Variants in ATP8A1 observed in about 807,000 individuals in gnomAD.
ATP8A1 encodes the protein phospholipid-transporting ATPase IA.
Under a neutral mutation model 177.7 loss-of-function variants are expected in ATP8A1, and 90 were observed. The ratio of observed to expected loss-of-function variants is 0.51; its 90% CI spans 0.43 to 0.60. The LOEUF (loss-of-function observed/expected upper bound fraction) is 0.60, where lower values mean the gene tolerates loss of function less well. Ranked by LOEUF, ATP8A1 falls within the 20% of genes least tolerant of loss-of-function variation. ATP8A1 has a pLI of 0.00. For synonymous variants in ATP8A1, 493 were observed against 485.9 expected, an observed-to-expected ratio of 1.01 and a Z score of -0.19; for missense variants, 1,072 against 1,392.8, an observed-to-expected ratio of 0.77 and a Z score of 3.67.
At chr4:42,417,450 T>C (rs1284065298) in intron 35 of ATP8A1, among the ~76,000 whole-genome samples, 1 of 152,188 alleles carries the variant, frequency 6.6e-6, no homozygotes, top group Non-Finnish European at 1.5e-5. Context: ...CCAAGCTATG[T>C]AAATTTTGAG....
At chr4:42,461,470 C>T (rs553575243) in intron 27 of ATP8A1, among the ~76,000 whole-genome samples, 82 of 152,118 alleles carry the variant, frequency 5.4e-4, no homozygotes, top group African/African-American at 1.9e-3. Context: ...AAGGGGAGTT[C>T]CCCTGCACAA....
chr4:42,606,080 C>T (rs748045381), intron 5 of ATP8A1, among the ~76,000 whole-genome samples: 1 of 152,204 alleles, frequency 6.6e-6, no homozygotes, highest in Non-Finnish European at 1.5e-5. Flanking sequence ...GTTTTCCACT[C>T]AACATGCCAT....
At position 42,627,047 on chromosome 4, in the gene ATP8A1, T is replaced by A; in HGVS notation, c.112A>T (p.Thr38Ser). 2 of 1,614,142 alleles carry A rather than the reference T, an allele frequency of 1.2e-6. No individual in the cohort carries two copies. Among genetic ancestry groups the A allele is most frequent in the East Asian group, 4.5e-5 (2 of 44,882 alleles). ...AGCTGGGGCTGGTTGATGAAAATAGTCCTTACTTCCTCCTGGTCAGCCAGT... is the reference window on the plus strand; with the variant it reads ...AGCTGGGGCTGGTTGATGAAAATAGACCTTACTTCCTCCTGGTCAGCCAGT... ...TSLADQEEVRTIFINQPQLTK... is the reference protein window; with the variant it reads ...TSLADQEEVRSIFINQPQLTK... Residue 38 changes from threonine (T) to serine (S), a missense_variant, in exon 2 of 37, where the codon ACT (threonine) becomes TCT (serine). Thr to Ser is a moderately conservative substitution (Grantham distance 58). This residue lies in a region of ATP8A1 where 344 missense variants were observed against 393.5 expected (regional missense o/e 0.87). Coordinates refer to ENST00000381668, the MANE Select transcript of ATP8A1 (RefSeq NM_006095.2).
chr4:42,433,458 A>G (rs1425816359), intron 33 of ATP8A1, among the ~76,000 whole-genome samples: 2 of 152,194 alleles, frequency 1.3e-5, no homozygotes, highest in African/African-American at 4.8e-5. Context: ...TCTCAGTTTA[A>G]TTGAACTGAA....
chr4:42,506,968 A>G (rs1284074727), intron 23 of ATP8A1, 48 bp downstream of exon 23: 1 of 1,593,796 alleles, frequency 6.3e-7, no homozygotes, highest in Non-Finnish European at 8.6e-7. Context: ...GAACTACATT[A>G]ACTTATTAAA....
At chr4:42,434,118 A>G (rs968527037) in intron 33 of ATP8A1, among the ~76,000 whole-genome samples, 2 of 152,160 alleles carry the variant, frequency 1.3e-5, no homozygotes, top group African/African-American at 2.4e-5. Flanking sequence ...TTTTATTTTA[A>G]TCTTCATTAT....
At position 42,614,254 on chromosome 4, in the gene ATP8A1, C is replaced by T. The variant is rs143487243; in HGVS notation, c.409+1779G>A. On this transcript the variant is annotated intron_variant, in intron 5 of 36. Transcript: ENST00000381668. ...AATCATCATAGCTATGGTGACCACACCTCTACTGTACTATGTCAACTTCTT... is the reference window on the plus strand; with the variant it reads ...AATCATCATAGCTATGGTGACCACATCTCTACTGTACTATGTCAACTTCTT... Among the ~76,000 whole-genome samples, 29 of 152,242 alleles carry T rather than the reference C, an allele frequency of 1.9e-4. No homozygotes were observed. In the East Asian group the frequency reaches 5.6e-3, roughly 29 times the overall value.
At chr4:42,452,143 G>A in intron 29 of ATP8A1, 84 bp from the exon 30 acceptor site, 1 of 945,008 alleles carries the variant, frequency 1.1e-6, no homozygotes. Flanking sequence ...CTATGAGCTA[G>A]ATTCACAAAA....
At chr4:42,580,028 G>A (rs1338586340) in intron 10 of ATP8A1, 50 bp from the exon 11 acceptor site, 2 of 1,437,522 alleles carry the variant, frequency 1.4e-6, no homozygotes, top group Non-Finnish European at 9.5e-7. Context: ...CAATGATTTA[G>A]CAATCTATAC....
intron 24 of ATP8A1, among the ~76,000 whole-genome samples, chr4:42,486,085 T>C (rs1053613888): frequency 7.9e-5 from 12 of 152,166 alleles, no homozygotes; most frequent in African/African-American, 2.9e-4. Flanking sequence ...TCGCCAGCAG[T>C]TTTGCCACGA....
At chr4:42,467,213 A>C (rs971451710) in intron 25 of ATP8A1, among the ~76,000 whole-genome samples, 3 of 152,166 alleles carry the variant, frequency 2.0e-5, no homozygotes, top group African/African-American at 7.2e-5. Context: ...AATTTTCAAC[A>C]CCCAAATTAA....
chr4:42,561,539 T>G (rs1327020013), intron 15 of ATP8A1: 1 of 152,304 alleles, frequency 6.6e-6, no homozygotes, highest in Non-Finnish European at 1.5e-5. Context: ...AACTGATCTC[T>G]GTAGTTACAA....
intron 25 of ATP8A1, among the ~76,000 whole-genome samples, chr4:42,472,848 T>C (rs780154980): frequency 1.7e-4 from 26 of 150,964 alleles, no homozygotes; most frequent in Non-Finnish European, 2.8e-4. Context: ...TTTATATATA[T>C]CTGAATATGA....
chr4:42,574,358 G>C (rs2109325852), intron 14 of ATP8A1, among the ~76,000 whole-genome samples: 1 of 152,276 alleles, frequency 6.6e-6, no homozygotes, highest in African/African-American at 2.4e-5. Context: ...CTTATTACCA[G>C]GGCAAGAGAG....
At chr4:42,636,837 A>G (rs1321043458) in intron 1 of ATP8A1, among the ~76,000 whole-genome samples, 2 of 152,214 alleles carry the variant, frequency 1.3e-5, no homozygotes, top group East Asian at 3.9e-4. Flanking sequence ...AGGCTAAGCC[A>G]GTCAGTCAAT....
chr4:42,478,348 G>T (rs1314915886), intron 25 of ATP8A1, among the ~76,000 whole-genome samples: 1 of 152,082 alleles, frequency 6.6e-6, no homozygotes, highest in African/African-American at 2.4e-5. Flanking sequence ...TCCAGCCTGG[G>T]TGACAGAGAC....
chr4:42,547,391 T>G (rs11723284), intron 19 of ATP8A1, among the ~76,000 whole-genome samples: 22,646 of 152,224 alleles, frequency 0.15, 2,118 homozygotes, highest in Non-Finnish European at 0.21. Flanking sequence ...TCATAGGGAC[T>G]ATTTAACAGC....
intron 1 of ATP8A1, among the ~76,000 whole-genome samples, chr4:42,653,430 T>C (rs1047786164): frequency 5.9e-5 from 9 of 152,310 alleles, no homozygotes; most frequent in East Asian, 5.8e-4. Flanking sequence ...CCTGTAACAG[T>C]AGTTGAAGTT....
intron 33 of ATP8A1, among the ~76,000 whole-genome samples, chr4:42,434,395 A>G (rs1361103541): frequency 6.6e-6 from 1 of 152,226 alleles, no homozygotes; most frequent in Non-Finnish European, 1.5e-5. Flanking sequence ...TTTGATTACA[A>G]ATCAGTCTGT....
Sources: gnomAD v4.1 joint callset for allele counts (sites outside exome capture counted in the v4.1 genomes callset) on GRCh38, gnomAD v4.1.1 for gene constraint, gnomAD v4.1.1 regional missense constraint, MANE v1.5 for transcripts, NCBI Gene and HGNC (gene_info 2026-07-23, HGNC 2026-07-21) for gene names.